RAPGEF2: variants seen among roughly 807,000 people sequenced by gnomAD.
RAPGEF2 encodes Rap guanine nucleotide exchange factor 2.
A neutral mutation model predicts 186.7 loss-of-function variants in RAPGEF2; 54 were observed. The observed-to-expected ratio is 0.29, with a 90% confidence interval of 0.23 to 0.36. The LOEUF (loss-of-function observed/expected upper bound fraction) is 0.36, where lower values mean the gene tolerates loss of function less well. Ranked by LOEUF, RAPGEF2 falls within the 10% of genes least tolerant of loss-of-function variation. RAPGEF2 has a pLI of 1.00. For missense variants in RAPGEF2, 1,532 were observed against 2,045.0 expected, an observed-to-expected ratio of 0.75 and a Z score of 4.84; for synonymous variants, 712 against 705.9, an observed-to-expected ratio of 1.01 and a Z score of -0.14.
intron 7 of RAPGEF2, among the ~76,000 whole-genome samples, chr4:159,251,109 G>A (rs922544799): frequency 7.2e-5 from 11 of 152,170 alleles, no homozygotes; most frequent in Admixed American, 2.0e-4. Flanking sequence ...AGCACTGCCA[G>A]CTGGCCCGCC....
intron 7 of RAPGEF2, among the ~76,000 whole-genome samples, chr4:159,263,827 A>G (rs1266880797): frequency 6.6e-6 from 1 of 152,156 alleles, no homozygotes; most frequent in Admixed American, 6.5e-5. Flanking sequence ...AGGTGGAAAA[A>G]AAAAGAATAT....
At chr4:159,276,503 A>G (rs768445648) in intron 7 of RAPGEF2, among the ~76,000 whole-genome samples, 6 of 152,206 alleles carry the variant, frequency 3.9e-5, no homozygotes, top group Non-Finnish European at 7.4e-5. Flanking sequence ...TTGAATAGCT[A>G]AACTAATTTT....
At chr4:159,167,069 A>G (rs900815291) in intron 1 of RAPGEF2, among the ~76,000 whole-genome samples, 3 of 152,220 alleles carry the variant, frequency 2.0e-5, no homozygotes, top group Non-Finnish European at 4.4e-5. Context: ...ACCATGGCAT[A>G]GAAAATAGAA....
At chr4:159,221,101 G>T (rs1365283255) in intron 4 of RAPGEF2, among the ~76,000 whole-genome samples, 1 of 152,184 alleles carries the variant, frequency 6.6e-6, no homozygotes, top group Non-Finnish European at 1.5e-5. Context: ...GTGTTGGCTG[G>T]ATATTGGTTT....
At chr4:159,198,302 C>A (rs1272155029) in intron 3 of RAPGEF2, among the ~76,000 whole-genome samples, 1 of 68,172 alleles carries the variant, frequency 1.5e-5, no homozygotes, top group Non-Finnish European at 2.5e-5. Flanking sequence ...TTCTTTCTTT[C>A]TTTCTTTCTT....
chr4:159,274,712 G>A (rs1168925783), intron 7 of RAPGEF2, among the ~76,000 whole-genome samples: 1 of 152,074 alleles, frequency 6.6e-6, no homozygotes, highest in African/African-American at 2.4e-5. Context: ...ATTGTCTTAG[G>A]TATTACACAG....
chr4:159,243,407 A>G (rs983340494), intron 6 of RAPGEF2, among the ~76,000 whole-genome samples: 3 of 151,950 alleles, frequency 2.0e-5, no homozygotes, highest in Non-Finnish European at 2.9e-5. Context: ...TTTTGTGTGT[A>G]TGATACCACA....
intron 17 of RAPGEF2, 80 bp downstream of exon 17, chr4:159,332,777 T>A (rs1487352771): frequency 1.6e-5 from 24 of 1,475,510 alleles, no homozygotes; most frequent in Non-Finnish European, 2.2e-5. Flanking sequence ...AATTAATGTT[T>A]GCATGAGTCT....
chr4:159,343,856 G>A (rs1396811072), intron 22 of RAPGEF2, among the ~76,000 whole-genome samples, 180 bp from the exon 23 acceptor site: 1 of 152,194 alleles, frequency 6.6e-6, no homozygotes, highest in African/African-American at 2.4e-5. Context: ...AAATGTATGT[G>A]TCTTTTAAGC....
intron 20 of RAPGEF2, among the ~76,000 whole-genome samples, chr4:159,342,708 A>ATACTTACATTCAGGTGAAT (rs1338402253): frequency 1.3e-5 from 2 of 151,774 alleles, no homozygotes; most frequent in East Asian, 3.9e-4. Context: ...ATGGAAACAA[A>ATACTTACATTCAGGTGAAT]GCATCAATAC....
intron 1 of RAPGEF2, among the ~76,000 whole-genome samples, chr4:159,132,497 CTG>C (rs1290760536): frequency 6.6e-6 from 1 of 152,190 alleles, no homozygotes; most frequent in African/African-American, 2.4e-5. Flanking sequence ...ATAGAAAGGG[CTG>C]TCTCTCCTTT....
At position 159,343,207 on chromosome 4, in the gene RAPGEF2, G is replaced by C; in HGVS notation, c.3130+17G>C. On this transcript the variant is annotated intron_variant, in intron 21 of 29. Transcript: ENST00000691494. ...TTCACGAAGGTAAACATAAGGCAGA[G>C]GGTTTCCATCTTTGCTTGAAGAAGC... The C allele has an allele frequency of 4.3e-6, 7 of 1,613,978 alleles. No individual in the cohort carries two copies. Among genetic ancestry groups the C allele is most frequent in the Non-Finnish European group, 5.9e-6 (7 of 1,179,900 alleles).
At chr4:159,260,749 AATTATT>A (rs1276536248) in intron 7 of RAPGEF2, among the ~76,000 whole-genome samples, 1 of 152,056 alleles carries the variant, frequency 6.6e-6, no homozygotes. Flanking sequence ...GGAAAAGGTT[AATTATT>A]ATTATTTTTT....
At chr4:159,178,275 A>G (rs559184801) in intron 1 of RAPGEF2, among the ~76,000 whole-genome samples, 2 of 152,208 alleles carry the variant, frequency 1.3e-5, no homozygotes, top group African/African-American at 4.8e-5. Flanking sequence ...GATAGGAGGG[A>G]TTGCACCAGC....
At chr4:159,273,343 A>G (rs902332898) in intron 7 of RAPGEF2, among the ~76,000 whole-genome samples, 8 of 152,244 alleles carry the variant, frequency 5.3e-5, no homozygotes, top group Non-Finnish European at 1.0e-4. Flanking sequence ...AAATGTATTT[A>G]GAAACTTGCC....
chr4:159,189,696 T>C (rs1747918453), intron 2 of RAPGEF2, among the ~76,000 whole-genome samples: 2 of 152,226 alleles, frequency 1.3e-5, no homozygotes. Flanking sequence ...GTCAATATGC[T>C]TCAGCTAAAA....
chr4:159,194,312 C>T (rs550347596), intron 3 of RAPGEF2, among the ~76,000 whole-genome samples: 10 of 152,164 alleles, frequency 6.6e-5, no homozygotes, highest in Non-Finnish European at 1.3e-4. Flanking sequence ...TGGTCAAGAA[C>T]GTGTTGTTCA....
At chr4:159,186,773 T>G (rs1021555799) in intron 2 of RAPGEF2, 61 bp downstream of exon 2, 2 of 914,476 alleles carry the variant, frequency 2.2e-6, no homozygotes, top group African/African-American at 1.7e-5. Context: ...ATGTAACAAT[T>G]TAACATTTTA....
At chr4:159,169,990 C>T (rs140225634) in intron 1 of RAPGEF2, among the ~76,000 whole-genome samples, 130 of 151,926 alleles carry the variant, frequency 8.6e-4, no homozygotes, top group Non-Finnish European at 1.7e-3. Context: ...GCAGGAACCT[C>T]CATACTGTTT....
Sources: gnomAD v4.1 joint callset for allele counts (sites outside exome capture counted in the v4.1 genomes callset) on GRCh38, gnomAD v4.1.1 for gene constraint, MANE v1.5 for transcripts, NCBI Gene and HGNC (gene_info 2026-07-23, HGNC 2026-07-21) for gene names.